The following FGGY variants were observed in gnomAD, a reference collection of about 807,000 sequenced individuals.
The protein encoded by FGGY is FGGY carbohydrate kinase domain-containing protein.
Under a neutral mutation model 71.3 loss-of-function variants are expected in FGGY, and 72 were observed. The ratio of observed to expected loss-of-function variants is 1.01; its 90% CI spans 0.84 to 1.23. The LOEUF is 1.23. FGGY is among the 50% of genes most tolerant of loss of function. The probability of loss-of-function intolerance (pLI) is 0.00; values close to 1 mark genes in which losing one functional copy is unlikely to be tolerated. For synonymous variants in FGGY, 251 were observed against 250.3 expected (o/e 1.00, Z -0.02); for missense variants, 668 against 682.3 (o/e 0.98, Z 0.23).
intron 8 of FGGY, among the ~76,000 whole-genome samples, chr1:59,593,753 T>C (rs1180650135): frequency 1.3e-5 from 2 of 152,196 alleles, no homozygotes; most frequent in African/African-American, 2.4e-5. Context: ...CCCAACTGCA[T>C]GGGAAACAAG....
intron 7 of FGGY, among the ~76,000 whole-genome samples, chr1:59,533,281 T>C (rs12733651): frequency 0.17 from 25,820 of 152,190 alleles, 2,628 homozygotes; most frequent in South Asian, 0.34. Flanking sequence ...CACCCGAATA[T>C]TGCGCTTTTC....
intron 11 of FGGY, among the ~76,000 whole-genome samples, chr1:59,648,642 G>A (rs906209350): frequency 5.3e-5 from 8 of 150,302 alleles, no homozygotes; most frequent in Admixed American, 4.6e-4. Context: ...GTAGATTCTG[G>A]ATATTAGCCC....
At chr1:59,428,545 C>G (rs1159837242) in intron 5 of FGGY, among the ~76,000 whole-genome samples, 4 of 152,244 alleles carry the variant, frequency 2.6e-5, no homozygotes, top group Admixed American at 1.3e-4. Context: ...TTAATGCCTC[C>G]TTGCCCAGTT....
chr1:59,716,486 T>G (rs1207325471), intron 14 of FGGY, among the ~76,000 whole-genome samples: 1 of 152,190 alleles, frequency 6.6e-6, no homozygotes, highest in Non-Finnish European at 1.5e-5. Flanking sequence ...CAGGAATCTT[T>G]GCACTCCATT....
chr1:59,625,154 G>C (rs1189138492), intron 9 of FGGY, among the ~76,000 whole-genome samples: 1 of 152,146 alleles, frequency 6.6e-6, no homozygotes, highest in Non-Finnish European at 1.5e-5. Context: ...TAGCATCCTA[G>C]AAACTCAAGT....
intron 5 of FGGY, among the ~76,000 whole-genome samples, chr1:59,383,942 G>C (rs2153357169): frequency 6.6e-6 from 1 of 152,210 alleles, no homozygotes; most frequent in Admixed American, 6.5e-5. Flanking sequence ...TCTTGAGGCT[G>C]TGTCACGGGT....
chr1:59,580,149 CT>C (rs1373199478), intron 8 of FGGY, among the ~76,000 whole-genome samples: 13 of 152,204 alleles, frequency 8.5e-5, no homozygotes, highest in Non-Finnish European at 1.8e-4. Flanking sequence ...CCTTCACTCA[CT>C]GCTTAACCTC....
intron 6 of FGGY, among the ~76,000 whole-genome samples, chr1:59,460,040 A>AGT (rs2092042516): frequency 6.6e-6 from 1 of 152,184 alleles, no homozygotes; most frequent in Admixed American, 6.5e-5. Context: ...GCAGAAATGA[A>AGT]GATAAAGGGC....
In FGGY at chr1:59,517,709, T is replaced by C. The variant is rs118050507; in HGVS notation, c.799+5270T>C. On this transcript the variant is annotated intron_variant, in intron 7 of 15. Transcript: ENST00000303721. Reference sequence around the variant, plus strand: ...CCTCATCTACTAATTTATAAACTCTTTGGGCAACCTGTTGTTTCATACTCC... The same window carrying C: ...CCTCATCTACTAATTTATAAACTCTCTGGGCAACCTGTTGTTTCATACTCC... 4.5e-4 allele frequency among the ~76,000 whole-genome samples: 69 copies of C among 152,278 alleles called. 1 individual carries two copies. In the East Asian group the frequency reaches 0.01, roughly 23 times the overall value.
intron 2 of FGGY, among the ~76,000 whole-genome samples, chr1:59,336,495 A>G (rs2049544628): frequency 2.6e-5 from 2 of 75,936 alleles, no homozygotes; most frequent in South Asian, 8.1e-4. Flanking sequence ...TTTTTTTTTC[A>G]CTTTAAGTTT....
chr1:59,361,273 A>G (rs1266806054), intron 4 of FGGY, among the ~76,000 whole-genome samples: 1 of 152,244 alleles, frequency 6.6e-6, no homozygotes, highest in Non-Finnish European at 1.5e-5. Flanking sequence ...AGTAAGGAAA[A>G]CAGAGTCACT....
chr1:59,373,408 G>A (rs946415106), intron 4 of FGGY, among the ~76,000 whole-genome samples: 6 of 152,134 alleles, frequency 3.9e-5, no homozygotes, highest in Non-Finnish European at 7.3e-5. Flanking sequence ...AATTAAAGAG[G>A]ATATAAACAA....
At chr1:59,500,647 C>G (rs1332285069) in intron 6 of FGGY, among the ~76,000 whole-genome samples, 6 of 117,374 alleles carry the variant, frequency 5.1e-5, no homozygotes, top group Non-Finnish European at 8.1e-5. Context: ...TTCATTGTAG[C>G]ACACTGCCTT....
At chr1:59,461,983 C>A (rs990185356) in intron 6 of FGGY, among the ~76,000 whole-genome samples, 16 of 151,820 alleles carry the variant, frequency 1.1e-4, no homozygotes, top group Non-Finnish European at 1.6e-4. Flanking sequence ...CTCCTCCCCC[C>A]ACCCCACAAC....
At chr1:59,646,352 A>G (rs1211506387) in intron 11 of FGGY, among the ~76,000 whole-genome samples, 2 of 151,984 alleles carry the variant, frequency 1.3e-5, no homozygotes, top group Non-Finnish European at 2.9e-5. Context: ...ATGAAAAATC[A>G]AATCCTATAA....
intron 14 of FGGY, among the ~76,000 whole-genome samples, chr1:59,677,506 C>A (rs1345979516): frequency 6.6e-6 from 1 of 152,096 alleles, no homozygotes; most frequent in East Asian, 1.9e-4. Context: ...TCCAGAGGAC[C>A]CAGACAGTAG....
At chr1:59,567,664 C>T (rs1160833152) in intron 8 of FGGY, among the ~76,000 whole-genome samples, 1 of 151,378 alleles carries the variant, frequency 6.6e-6, no homozygotes, top group African/African-American at 2.4e-5. Flanking sequence ...GGGAATGGCC[C>T]AGGAAAAAGA....
intron 6 of FGGY, among the ~76,000 whole-genome samples, chr1:59,489,451 G>A (rs542395247): frequency 1.1e-4 from 17 of 152,014 alleles, no homozygotes; most frequent in Admixed American, 1.0e-3. Flanking sequence ...TTCAACATGT[G>A]GGCAAGAATA....
At chr1:59,510,070 T>G (rs1326733717) in intron 6 of FGGY, among the ~76,000 whole-genome samples, 1 of 151,598 alleles carries the variant, frequency 6.6e-6, no homozygotes, top group African/African-American at 2.4e-5. Context: ...TACATAATGC[T>G]TGTTCTAAAA....
Sources: gnomAD v4.1 joint callset for allele counts (sites outside exome capture counted in the v4.1 genomes callset) on GRCh38, gnomAD v4.1.1 for gene constraint, MANE v1.5 for transcripts, NCBI Gene and HGNC (gene_info 2026-07-23, HGNC 2026-07-21) for gene names.